PTPN1: variants seen among roughly 807,000 people sequenced by gnomAD.
PTPN1 encodes the protein protein tyrosine phosphatase non-receptor type 1, also known as tyrosine-protein phosphatase non-receptor type 1.
Under a neutral mutation model 59.9 loss-of-function variants are expected in PTPN1, and 12 were observed. The ratio of observed to expected loss-of-function variants is 0.20; its 90% CI spans 0.13 to 0.32. PTPN1 has a LOEUF of 0.32. PTPN1 is among the 10% of genes least tolerant of loss of function. The pLI is 1.00. For missense variants in PTPN1, 356 were observed against 549.2 expected, an observed-to-expected ratio of 0.65 and a Z score of 3.52; for synonymous variants, 178 against 203.6, an observed-to-expected ratio of 0.87 and a Z score of 1.07.
chr20:50,544,080 G>T (rs921484877), intron 1 of PTPN1, among the ~76,000 whole-genome samples: 1 of 152,106 alleles, frequency 6.6e-6, no homozygotes, highest in Non-Finnish European at 1.5e-5. Flanking sequence ...TCCTGACCTC[G>T]TGATCCGCCT....
intron 1 of PTPN1, among the ~76,000 whole-genome samples, chr20:50,536,135 C>T (rs117279022): frequency 0.03 from 4,508 of 152,200 alleles, 102 homozygotes; most frequent in Middle Eastern, 0.054. Context: ...TCCATAAATC[C>T]TTCAGAAATG....
intron 4 of PTPN1, among the ~76,000 whole-genome samples, chr20:50,570,135 A>C (rs909583891): frequency 6.6e-5 from 10 of 152,230 alleles, no homozygotes; most frequent in Admixed American, 4.6e-4. Flanking sequence ...AATGTAAAAA[A>C]TCCAAGTGTT....
intron 1 of PTPN1, among the ~76,000 whole-genome samples, chr20:50,557,026 A>G (rs1421918259): frequency 6.6e-6 from 1 of 152,200 alleles, no homozygotes; most frequent in African/African-American, 2.4e-5. Context: ...AAGCAGATGA[A>G]ATTAATAGCC....
chr20:50,541,786 CTTGGACA>C (rs970370439), intron 1 of PTPN1, among the ~76,000 whole-genome samples: 36 of 152,262 alleles, frequency 2.4e-4, no homozygotes, highest in Admixed American at 1.5e-3. Flanking sequence ...GGGGAAGCAG[CTTGGACA>C]TAGCTGTATG....
At chr20:50,511,477 T>C (rs2082507087) in intron 1 of PTPN1, among the ~76,000 whole-genome samples, 1 of 152,148 alleles carries the variant, frequency 6.6e-6, no homozygotes, top group African/African-American at 2.4e-5. Flanking sequence ...GGGGCCATGA[T>C]ATTATTCTTT....
At chr20:50,512,046 G>A (rs2082510011) in intron 1 of PTPN1, among the ~76,000 whole-genome samples, 1 of 152,104 alleles carries the variant, frequency 6.6e-6, no homozygotes, top group African/African-American at 2.4e-5. Flanking sequence ...TATTTGGACT[G>A]TAGTGTGTAT....
At chr20:50,517,075 A>T (rs2082531927) in intron 1 of PTPN1, among the ~76,000 whole-genome samples, 1 of 152,082 alleles carries the variant, frequency 6.6e-6, no homozygotes, top group Non-Finnish European at 1.5e-5. Flanking sequence ...GTAAATTTTG[A>T]TTGTATGAAA....
rs2082856711 is a variant in PTPN1 at position 50,579,838 on chromosome 20, G to A, written c.1000G>A (p.Val334Met). The A allele has an allele frequency of 1.9e-6, 3 of 1,614,098 alleles. No homozygotes were observed. Among genetic ancestry groups the A allele is most frequent in the Non-Finnish European group, 2.5e-6 (3 of 1,180,046 alleles). Reference sequence around the variant, plus strand: ...GGAGTTCTTCCCAAATCACCAGTGGGTGAAGGAAGAGACCCAGGAGGATAA... The same window carrying A: ...GGAGTTCTTCCCAAATCACCAGTGGATGAAGGAAGAGACCCAGGAGGATAA... ...CREFFPNHQW[V>M]KEETQEDKDC... is the part of the protein sequence containing the mutation. Residue 334 changes from valine to methionine, a missense_variant, in exon 8 of 10, where the codon GTG becomes ATG. This residue lies in a region of PTPN1 where 100 missense variants were observed against 107.7 expected (regional missense o/e 0.93). Coordinates refer to ENST00000371621, the MANE Select transcript of PTPN1 (RefSeq NM_002827.4).
rs879269992 is a variant in PTPN1, at chr20:50,555,722, A to AT, written c.64-5628dup. On this transcript the variant is annotated intron_variant, in intron 1 of 9. Coordinates refer to ENST00000371621, the MANE Select transcript of PTPN1 (RefSeq NM_002827.4). Reference sequence around the variant, plus strand: ...TCTCCACGTTTTGCTTCTTACCTCTATTTTTTTTTTTTTATTTCTCTGTCT... The same window carrying AT: ...TCTCCACGTTTTGCTTCTTACCTCTATTTTTTTTTTTTTTATTTCTCTGTCT... Among the ~76,000 whole-genome samples the AT allele has an allele frequency of 2.7e-3, 384 of 143,480 alleles. 1 individual carries two copies. The highest frequency in any genetic ancestry group is 4.7e-3 in the Admixed American group (67 of 14,278). 94.1% of individuals were successfully genotyped at this position (143,480 alleles called of 152,430 possible). A position where few individuals can be genotyped will look rare whatever the true frequency, so the allele number is the denominator to read the frequency against.
rs181541733 is a variant in PTPN1, at chr20:50,575,798, C to T, written c.492+1144C>T. On this transcript the variant is annotated intron_variant, in intron 5 of 9. Coordinates refer to ENST00000371621, the MANE Select transcript of PTPN1 (RefSeq NM_002827.4). ...AAACAGTTAGTCAGACATCGTGGTGCTCCCCTATAGTCCAGCTACTCAGGA... is the reference window on the plus strand; with the variant it reads ...AAACAGTTAGTCAGACATCGTGGTGTTCCCCTATAGTCCAGCTACTCAGGA... Among the ~76,000 whole-genome samples, 200 of 152,228 alleles carry T rather than the reference C, an allele frequency of 1.3e-3. 1 individual carries two copies. Among genetic ancestry groups the T allele is most frequent in the African/African-American group, 4.6e-3 (193 of 41,520 alleles).
rs117401069 is a variant in PTPN1 at position 50,552,430 on chromosome 20, G to A, written c.64-8933G>A. On this transcript the variant is annotated intron_variant, in intron 1 of 9. Transcript: ENST00000371621. ...TGTGGTTTCAGCCACAGCATCCTTT[G>A]CTGCATTGTTACCTTAGTTTCCTGA... Among the ~76,000 whole-genome samples the A allele has an allele frequency of 4.2e-3, 637 of 152,222 alleles. 3 individuals are homozygous for A. Among genetic ancestry groups the A allele is most frequent in the Non-Finnish European group, 7.7e-3 (524 of 68,022 alleles).
At chr20:50,564,554 A>G (rs1243823474) in intron 2 of PTPN1, among the ~76,000 whole-genome samples, 2 of 152,132 alleles carry the variant, frequency 1.3e-5, no homozygotes, top group Admixed American at 1.3e-4. Flanking sequence ...AGAACATGCC[A>G]CTGCACTCCA....
intron 1 of PTPN1, among the ~76,000 whole-genome samples, chr20:50,544,534 G>A (rs1047599957): frequency 6.6e-6 from 1 of 152,128 alleles, no homozygotes; most frequent in Non-Finnish European, 1.5e-5. Context: ...TTTAAAATAC[G>A]TAAAGAGCTT....
chr20:50,581,356 C>T lies in PTPN1; in HGVS notation c.1180C>T (p.Leu394=). The T allele has an allele frequency of 6.2e-7, 1 of 1,614,196 alleles. No homozygotes were observed. The highest frequency in any genetic ancestry group is 8.5e-7 in the Non-Finnish European group (1 of 1,179,998). Residue 394 remains leucine, a synonymous_variant, in exon 9 of 10, where the codon CTG becomes TTG. Coordinates refer to ENST00000371621, the MANE Select transcript of PTPN1 (RefSeq NM_002827.4). The part of the protein sequence containing the change: ...AASPAKGEPS[L]PEKDEDHALS... Reference sequence around the variant, plus strand: ...CTCCCCAGCCAAAGGGGAGCCGTCACTGCCCGAGAAGGACGAGGACCATGC... The same window carrying T: ...CTCCCCAGCCAAAGGGGAGCCGTCATTGCCCGAGAAGGACGAGGACCATGC...
intron 1 of PTPN1, among the ~76,000 whole-genome samples, chr20:50,532,839 AG>A (rs1340677585): frequency 6.6e-6 from 1 of 152,054 alleles, no homozygotes; most frequent in Non-Finnish European, 1.5e-5. Context: ...TGAATTTTGG[AG>A]TACAGACTGG....
In PTPN1 at chr20:50,568,425, G is replaced by C; in HGVS notation, c.301G>C (p.Glu101Gln). The change falls in exon 4 of 10, where the codon GAG (glutamate) becomes CAG (glutamine). Residue 101 changes from glutamate (E) to glutamine (Q), a missense_variant. Physicochemically the swap from Glu to Gln is conservative, Grantham distance 29 (BLOSUM62 2). Transcript: ENST00000371621. The surrounding 1 kb of genome is among the most constrained non-coding windows in gnomAD (Gnocchi z 5.6). ...CGGTCACTTTTGGGAGATGGTGTGG[G>C]AGCAGAAAAGCAGGGGTGTCGTCAT... is the stretch of plus-strand genomic sequence containing the variant. ...TCGHFWEMVW[E>Q]QKSRGVVMLN... The C allele has an allele frequency of 6.2e-7, 1 of 1,614,192 alleles. No homozygotes were observed. Among genetic ancestry groups the C allele is most frequent in the Non-Finnish European group, 8.5e-7 (1 of 1,180,018 alleles).
chr20:50,539,424 T>C (rs188337027), intron 1 of PTPN1, among the ~76,000 whole-genome samples: 1 of 152,326 alleles, frequency 6.6e-6, no homozygotes, highest in East Asian at 1.9e-4. Context: ...CAACAGTACA[T>C]ATTCATAATA....
At chr20:50,567,917 C>T (rs1054107974) in intron 3 of PTPN1, among the ~76,000 whole-genome samples, 2 of 152,126 alleles carry the variant, frequency 1.3e-5, no homozygotes, top group African/African-American at 2.4e-5. Context: ...GTCAAGTAAG[C>T]GATGGGGAAA....
At chr20:50,553,255 TTAG>T (rs1304030340) in intron 1 of PTPN1, among the ~76,000 whole-genome samples, 2 of 152,202 alleles carry the variant, frequency 1.3e-5, no homozygotes, top group Non-Finnish European at 2.9e-5. Flanking sequence ...AAGCATTACC[TTAG>T]TAGACTGGAA....
Sources: allele counts gnomAD v4.1 joint callset (sites outside exome capture counted in the v4.1 genomes callset), GRCh38; gene constraint gnomAD v4.1.1; regional missense constraint gnomAD v4.1.1; non-coding constraint Gnocchi (gnomAD v3.1); transcripts MANE v1.5; gene names NCBI Gene and HGNC (gene_info 2026-07-23, HGNC 2026-07-21).